The following SYNDIG1 variants were observed in gnomAD, a reference collection of about 807,000 sequenced individuals.
The protein encoded by SYNDIG1 is synapse differentiation inducing 1, also known as synapse differentiation-inducing gene protein 1.
SYNDIG1 carries 9 observed loss-of-function variants against 19.4 expected under a neutral mutation model. That is an observed-to-expected ratio of 0.46 (90% CI 0.28 to 0.81). The LOEUF (loss-of-function observed/expected upper bound fraction) is 0.81, where lower values mean the gene tolerates loss of function less well. Among genes scored for constraint, SYNDIG1 ranks in the 30% least tolerant of loss-of-function variants. The probability of loss-of-function intolerance (pLI) is 0.12; values close to 1 mark genes in which losing one functional copy is unlikely to be tolerated. For synonymous variants in SYNDIG1, 141 were observed against 145.9 expected, an observed-to-expected ratio of 0.97 and a Z score of 0.24; for missense variants, 311 against 343.3, an observed-to-expected ratio of 0.91 and a Z score of 0.74.
intron 1 of SYNDIG1, among the ~76,000 whole-genome samples, chr20:24,479,669 G>A (rs1432222007): frequency 6.6e-6 from 1 of 152,148 alleles, no homozygotes; most frequent in African/African-American, 2.4e-5. Flanking sequence ...GGCCCCATAT[G>A]CACACTCATC....
At chr20:24,562,496 A>G (rs1319130790) in intron 2 of SYNDIG1, among the ~76,000 whole-genome samples, 1 of 152,232 alleles carries the variant, frequency 6.6e-6, no homozygotes. Flanking sequence ...ATAAAAATCA[A>G]TATCTTTACA....
chr20:24,588,840 T>A (rs2058460686), intron 3 of SYNDIG1, among the ~76,000 whole-genome samples: 2 of 151,586 alleles, frequency 1.3e-5, no homozygotes, highest in African/African-American at 4.8e-5. Flanking sequence ...CAGGGTTCAG[T>A]GAGATTGAGA....
At chr20:24,639,597 T>C (rs1320763245) in intron 3 of SYNDIG1, among the ~76,000 whole-genome samples, 1 of 152,222 alleles carries the variant, frequency 6.6e-6, no homozygotes, top group Non-Finnish European at 1.5e-5. Flanking sequence ...CGGCGTGATG[T>C]TGACCAGGAC....
chr20:24,560,802 G>A (rs2057928554), intron 2 of SYNDIG1, among the ~76,000 whole-genome samples: 1 of 145,978 alleles, frequency 6.9e-6, no homozygotes, highest in Non-Finnish European at 1.5e-5. Context: ...CAACTTGAAT[G>A]ATATAGCATA....
rs984770411 is a variant in SYNDIG1 at position 24,658,037 on chromosome 20, G to A, written c.619-7309G>A. On this transcript the variant is annotated intron_variant, in intron 3 of 3. Transcript: ENST00000376862. This position sits in a 1 kb window ranked among gnomAD's most constrained non-coding sequence, Gnocchi z 4.4. ...CTGCTGAGGACCCCCAGCTGTGCTG[G>A]CCCCGGTCCATGGATGACGGGGACT... 2.6e-5 allele frequency among the ~76,000 whole-genome samples: 4 copies of A among 152,162 alleles called. No individual in the cohort carries two copies. The highest frequency in any genetic ancestry group is 4.4e-5 in the Non-Finnish European group (3 of 68,030).
At chr20:24,487,164 C>A (rs1018893460) in intron 1 of SYNDIG1, among the ~76,000 whole-genome samples, 5 of 152,162 alleles carry the variant, frequency 3.3e-5, no homozygotes, top group Non-Finnish European at 7.3e-5. Flanking sequence ...ACAGAGCTTG[C>A]AGACTTTCAC....
At chr20:24,664,605 G>C (rs1022755586) in intron 3 of SYNDIG1, among the ~76,000 whole-genome samples, 4 of 152,082 alleles carry the variant, frequency 2.6e-5, no homozygotes, top group Non-Finnish European at 5.9e-5. Context: ...CCATCTCCTC[G>C]TGACCCCAAG....
intron 3 of SYNDIG1, among the ~76,000 whole-genome samples, chr20:24,654,655 A>AGGAG (rs1475754710): frequency 6.3e-5 from 5 of 79,156 alleles, no homozygotes; most frequent in African/African-American, 2.4e-4. Flanking sequence ...GGAGGGAGGA[A>AGGAG]GGAAGGAAGG....
chr20:24,525,286 C>CTTTT (rs11471122), intron 1 of SYNDIG1, among the ~76,000 whole-genome samples: 25 of 106,536 alleles, frequency 2.3e-4, no homozygotes, highest in Non-Finnish European at 4.0e-4. Flanking sequence ...TCTTCTTCTT[C>CTTTT]TTTTTTTTTT....
At chr20:24,557,502 T>C (rs994131594) in intron 2 of SYNDIG1, among the ~76,000 whole-genome samples, 2 of 152,148 alleles carry the variant, frequency 1.3e-5, no homozygotes, top group African/African-American at 4.8e-5. Context: ...GTCCTTTCTG[T>C]TTGTTAGTTT....
At chr20:24,603,207 G>T (rs757028918) in intron 3 of SYNDIG1, among the ~76,000 whole-genome samples, 3 of 152,054 alleles carry the variant, frequency 2.0e-5, no homozygotes, top group Non-Finnish European at 4.4e-5. Context: ...TGAACCATGT[G>T]GTTTATAAAT....
chr20:24,586,111 C>T (rs1192290773), intron 3 of SYNDIG1, among the ~76,000 whole-genome samples: 1 of 152,150 alleles, frequency 6.6e-6, no homozygotes, highest in Non-Finnish European at 1.5e-5. Context: ...CTCTTTCTGA[C>T]ATCCAAGGAG....
chr20:24,642,464 G>A (rs992107711), intron 3 of SYNDIG1, among the ~76,000 whole-genome samples: 10 of 152,116 alleles, frequency 6.6e-5, no homozygotes, highest in African/African-American at 2.4e-4. Flanking sequence ...AGGGTAGGGT[G>A]GAAAATACTT....
At position 24,472,678 on chromosome 20, in the gene SYNDIG1, T is replaced by C. The variant is rs115320857; in HGVS notation, c.-79+2925T>C. On this transcript the variant is annotated intron_variant, in intron 1 of 3. Transcript: ENST00000376862. ...GCTCTGTGCTTGCTGAGATGTGATA[T>C]TCACTGTGACTTCTACTGTCTGGAG... is the stretch of plus-strand genomic sequence containing the variant. Among the ~76,000 whole-genome samples the C allele has an allele frequency of 8.6e-3, 1,302 of 152,252 alleles. 17 individuals carry two copies. The highest frequency in any genetic ancestry group is 0.028 in the African/African-American group (1,148 of 41,560).
intron 2 of SYNDIG1, among the ~76,000 whole-genome samples, chr20:24,551,322 GT>G (rs1244654238): frequency 1.3e-5 from 2 of 152,066 alleles, no homozygotes; most frequent in Admixed American, 6.5e-5. Flanking sequence ...TTTCTGTATG[GT>G]TGGTAATATT....
intron 1 of SYNDIG1, among the ~76,000 whole-genome samples, chr20:24,520,691 C>T (rs2056985041): frequency 1.4e-5 from 1 of 71,788 alleles, no homozygotes; most frequent in African/African-American, 5.7e-5. Context: ...GAAACTCTGT[C>T]TCAAAAAAAA....
chr20:24,535,529 G>T (rs1233085532), intron 1 of SYNDIG1, among the ~76,000 whole-genome samples: 1 of 152,100 alleles, frequency 6.6e-6, no homozygotes, highest in Non-Finnish European at 1.5e-5. Context: ...AAGAAAAGAT[G>T]TTTATCTGGG....
chr20:24,583,066 G>A (rs898460937), intron 2 of SYNDIG1, among the ~76,000 whole-genome samples: 2 of 152,228 alleles, frequency 1.3e-5, no homozygotes, highest in African/African-American at 4.8e-5. Flanking sequence ...GTACCAGGGA[G>A]CCTCAGGTCT....
chr20:24,627,893 G>A (rs1460328611), intron 3 of SYNDIG1, among the ~76,000 whole-genome samples: 1 of 152,256 alleles, frequency 6.6e-6, no homozygotes. Flanking sequence ...GTCACTTGGC[G>A]GAGATCCTCG....
Sources: allele counts gnomAD v4.1 joint callset (sites outside exome capture counted in the v4.1 genomes callset), GRCh38; gene constraint gnomAD v4.1.1; non-coding constraint Gnocchi (gnomAD v3.1); transcripts MANE v1.5; gene names NCBI Gene and HGNC (gene_info 2026-07-23, HGNC 2026-07-21).